ANKS3: variants seen among roughly 807,000 people sequenced by gnomAD.
The protein encoded by ANKS3 is ankyrin repeat and SAM domain-containing protein 3.
In ANKS3, 62 loss-of-function variants were observed where a neutral mutation model predicts 80.7. The observed-to-expected ratio is 0.77, with a 90% CI of 0.63 to 0.95. The LOEUF (loss-of-function observed/expected upper bound fraction) is 0.95. Ranked by LOEUF, ANKS3 falls within the 40% of genes least tolerant of loss-of-function variation. ANKS3 has a pLI of 0.00. For synonymous variants in ANKS3, 489 were observed against 355.3 expected, an observed-to-expected ratio of 1.38 and a Z score of -4.23; for missense variants, 1,150 against 883.6, an observed-to-expected ratio of 1.30 and a Z score of -3.82.
chr16:4,702,099 TACCCC>T lies in ANKS3; in HGVS notation c.1007_1009+2del. ...CGGGCCGGATGGGTGGGGGTGCACG[TACCCC>T]GACTGCTGCTGCTGCTGCTGCTCTC... On this transcript the variant is annotated splice_donor_variant and coding_sequence_variant, in exon 9 of 18. Transcript: ENST00000304283. LOFTEE classifies it high-confidence loss of function. The T allele has an allele frequency of 6.3e-7, 1 of 1,583,928 alleles. No individual in the cohort carries two copies. Among genetic ancestry groups the T allele is most frequent in the Non-Finnish European group, 8.6e-7 (1 of 1,169,356 alleles).
chr16:4,698,617 G>T lies in ANKS3; in HGVS notation c.1552-18C>A, dbSNP rs1018880681. 1.3e-6 allele frequency: 2 copies of T among 1,540,328 alleles called. No homozygotes were observed. Among genetic ancestry groups the T allele is most frequent in the Non-Finnish European group, 1.7e-6 (2 of 1,149,808 alleles). On this transcript the variant is annotated intron_variant, in intron 13 of 17. Transcript: ENST00000304283. ...TCGCAGCGCTGCAGGGGGGTGGGGG[G>T]CGCGGGGAGGCTGGGAGGTGGCCGG... is the stretch of plus-strand genomic sequence containing the variant.
chr16:4,708,262 A>C (rs1346410684), intron 7 of ANKS3, among the ~76,000 whole-genome samples: 1 of 152,158 alleles, frequency 6.6e-6, no homozygotes, highest in African/African-American at 2.4e-5. Flanking sequence ...AAGATCAAAA[A>C]GGCCCTTCCA....
intron 6 of ANKS3, among the ~76,000 whole-genome samples, chr16:4,723,903 T>A (rs1460671493): frequency 6.6e-6 from 1 of 150,872 alleles, no homozygotes; most frequent in Admixed American, 6.6e-5. Context: ...AAAAAAAAAA[T>A]TAAATAATTA....
chr16:4,710,216 C>T (rs1033727571), intron 7 of ANKS3, among the ~76,000 whole-genome samples: 21 of 152,188 alleles, frequency 1.4e-4, no homozygotes, highest in African/African-American at 2.6e-4. Context: ...AGTGACTATA[C>T]GGAACAACAG....
rs774565232 is a variant in ANKS3 at position 4,730,063 on chromosome 16, G to A, written c.87C>T (p.Ser29=). Residue 29 remains serine (S), a synonymous_variant, in exon 3 of 18, where the codon AGC becomes AGT. Coordinates refer to ENST00000304283, the MANE Select transcript of ANKS3 (RefSeq NM_133450.4). ...SMWHGLGTQV[S]GEELDVPLDL... is the part of the protein sequence containing the mutation. ...CCAGGGGGACATCCAGCTCCTCCCC[G>A]CTGACCTGTGTCCCGAGCCCGTGCC... The A allele has an allele frequency of 8.8e-6, 14 of 1,591,162 alleles. No homozygotes were observed. The South Asian group carries it at 1.0e-4, about 12-fold the overall frequency.
chr16:4,714,788 T>C (rs890259946), intron 6 of ANKS3, among the ~76,000 whole-genome samples: 37 of 151,454 alleles, frequency 2.4e-4, no homozygotes, highest in African/African-American at 7.5e-4. Context: ...GGTCAGGAGA[T>C]TGAGACCATC....
At chr16:4,699,290 T>C in intron 11 of ANKS3, 114 bp from the exon 12 acceptor site, 3 of 1,410,514 alleles carry the variant, frequency 2.1e-6, no homozygotes, top group South Asian at 1.3e-5. Flanking sequence ...GACAGTGCCT[T>C]GTGTGTGGCG....
intron 7 of ANKS3, among the ~76,000 whole-genome samples, chr16:4,709,998 G>A (rs527707172): frequency 2.1e-4 from 32 of 151,942 alleles, no homozygotes; most frequent in Admixed American, 9.8e-4. Context: ...GTGACAAAGC[G>A]AGAACCTGTC....
At chr16:4,698,149 G>C in intron 14 of ANKS3, 87 bp from the exon 15 acceptor site, 1 of 1,422,908 alleles carries the variant, frequency 7.0e-7, no homozygotes, top group Non-Finnish European at 9.6e-7. Flanking sequence ...GGAGGGAGGG[G>C]CTCAGCCCTG....
intron 1 of ANKS3, among the ~76,000 whole-genome samples, chr16:4,732,402 G>A (rs966429654): frequency 6.6e-6 from 1 of 152,130 alleles, no homozygotes; most frequent in African/African-American, 2.4e-5. Flanking sequence ...CTGGAGACTT[G>A]CATATCTGAC....
chr16:4,732,226 A>G (rs2081656491), intron 1 of ANKS3, among the ~76,000 whole-genome samples: 2 of 152,248 alleles, frequency 1.3e-5, no homozygotes, highest in East Asian at 1.9e-4. Flanking sequence ...CTCACTTTGC[A>G]GGTGAGAATC....
At chr16:4,705,367 G>T in intron 7 of ANKS3, 114 bp from the exon 8 acceptor site, 2 of 1,289,246 alleles carry the variant, frequency 1.6e-6, no homozygotes, top group Non-Finnish European at 2.1e-6. Context: ...TTAAGGAGAA[G>T]GGTATCTGCC....
At chr16:4,715,279 G>GA (rs1244873003) in intron 6 of ANKS3, among the ~76,000 whole-genome samples, 3 of 150,930 alleles carry the variant, frequency 2.0e-5, no homozygotes, top group Non-Finnish European at 3.0e-5. Flanking sequence ...ACCTCTACAA[G>GA]AAAAAAAAAT....
chr16:4,704,971 T>G (rs2080105786), intron 8 of ANKS3, 124 bp downstream of exon 8: 1 of 1,306,372 alleles, frequency 7.7e-7, no homozygotes, highest in African/African-American at 1.5e-5. Context: ...CTGGGCCACC[T>G]GTCCCGCTGC....
At chr16:4,719,954 G>A (rs1279639830) in intron 6 of ANKS3, among the ~76,000 whole-genome samples, 1 of 151,254 alleles carries the variant, frequency 6.6e-6, no homozygotes, top group Non-Finnish European at 1.5e-5. Flanking sequence ...ATGAGGTCAG[G>A]AGTTCGAGAC....
intron 3 of ANKS3, chr16:4,727,920 G>T (rs2081435367): frequency 6.6e-6 from 1 of 152,408 alleles, no homozygotes. Context: ...ATACCCACTT[G>T]CATGGTTACC....
Position 4,730,007 on chromosome 16 carries a change from TA to T in ANKS3, c.142del (p.Tyr48MetfsTer4). ...CTGCACACACTCCTTCACCACTTCA[TA>T]CTGGCCAATGGAAGCAGCTGTGTGA... ...DLHTAASIGQ[Y>X]EVVKECVQRR... On this transcript the variant is annotated frameshift_variant, in exon 3 of 18. Coordinates refer to ENST00000304283, the MANE Select transcript of ANKS3 (RefSeq NM_133450.4). LOFTEE classifies it high-confidence loss of function. 6.4e-7 allele frequency: 1 copy of T among 1,560,114 alleles called. No individual in the cohort carries two copies. The highest frequency in any genetic ancestry group is 8.7e-7 in the Non-Finnish European group (1 of 1,147,256).
Position 4,726,722 on chromosome 16 carries a change from G to A in ANKS3, c.428C>T (p.Thr143Ile). 3.1e-6 allele frequency: 5 copies of A among 1,614,204 alleles called. No individual in the cohort carries two copies. Among genetic ancestry groups the A allele is most frequent in the Non-Finnish European group, 4.2e-6 (5 of 1,180,016 alleles). ...GACCATGTGCTGGTGCCCGGCGCTG[G>A]TACAGTGGAAGAGGGCTGTCCAGCC... Reference protein sequence around the residue: ...IQGWTALFHCTSAGHQHMVRF... With the variant: ...IQGWTALFHCISAGHQHMVRF... The change falls in exon 5 of 18, where the codon ACC becomes ATC. Residue 143 changes from threonine (T) to isoleucine (I), a missense_variant. Coordinates refer to ENST00000304283, the MANE Select transcript of ANKS3 (RefSeq NM_133450.4).
intron 3 of ANKS3, 143 bp from the exon 4 acceptor site, chr16:4,727,320 G>A: frequency 2.6e-6 from 2 of 781,120 alleles, no homozygotes; most frequent in Admixed American, 2.3e-5. Context: ...GGGGATTGGA[G>A]GCAGGCAGGC....
Sources: allele counts gnomAD v4.1 joint callset (sites outside exome capture counted in the v4.1 genomes callset), GRCh38; gene constraint gnomAD v4.1.1; transcripts MANE v1.5; gene names NCBI Gene and HGNC (gene_info 2026-07-23, HGNC 2026-07-21).